Variants in UBR3 observed in about 807,000 individuals in gnomAD.
The protein encoded by UBR3 is ubiquitin protein ligase E3 component n-recognin 3.
UBR3 carries 85 observed loss-of-function variants against 243.2 expected under a neutral mutation model. The observed-to-expected ratio is 0.35, with a 90% confidence interval of 0.29 to 0.42. The LOEUF (loss-of-function observed/expected upper bound fraction) is 0.42. Among genes scored for constraint, UBR3 ranks in the 10% least tolerant of loss-of-function variants. The pLI is 1.00. For missense variants in UBR3, 1,686 were observed against 2,300.8 expected (o/e 0.73, Z 5.47); for synonymous variants, 748 against 799.8 (o/e 0.94, Z 1.09).
chr2:169,964,647 A>G, intron 24 of UBR3: 1 of 370,104 alleles, frequency 2.7e-6, no homozygotes, highest in African/African-American at 2.1e-5. Context: ...AAAGAATGTG[A>G]CCTGAAGTTT....
chr2:169,949,635 G>A lies in UBR3; in HGVS notation c.3115G>A (p.Val1039Ile), dbSNP rs2086928753. The change falls in exon 23 of 39, where the codon GTA (valine) becomes ATA (isoleucine). Residue 1039 changes from valine (V) to isoleucine (I), a missense_variant. Val to Ile is a conservative substitution (Grantham distance 29). This residue lies in a region of UBR3 where 300 missense variants were observed against 314.4 expected (regional missense o/e 0.95). Transcript: ENST00000272793. Reference sequence around the variant, plus strand: ...TGGTACAGCTCAAGTTTTCAGTTTAGTAGCAGAACGTAGAAAGAAATTTCA... The same window carrying A: ...TGGTACAGCTCAAGTTTTCAGTTTAATAGCAGAACGTAGAAAGAAATTTCA... ...NSGTAQVFSL[V>I]AERRKKFQEI... 1 of 1,548,498 alleles carries A rather than the reference G, an allele frequency of 6.5e-7. No individual in the cohort carries two copies.
intron 30 of UBR3, chr2:170,016,881 G>T: frequency 1.2e-6 from 1 of 847,838 alleles, no homozygotes; most frequent in Non-Finnish European, 1.5e-6. Flanking sequence ...ATTATACTGT[G>T]CCAATATAGA....
chr2:170,038,061 C>CT (rs1377995264), intron 31 of UBR3, among the ~76,000 whole-genome samples: 5 of 152,072 alleles, frequency 3.3e-5, no homozygotes, highest in Non-Finnish European at 7.4e-5. Flanking sequence ...CTGTTAAGCA[C>CT]TTTAAGTTTT....
intron 32 of UBR3, among the ~76,000 whole-genome samples, chr2:170,052,648 A>C (rs2091244898): frequency 1.3e-5 from 2 of 152,212 alleles, no homozygotes. Context: ...AACAAGTCAA[A>C]ATAGAGAGTA....
intron 1 of UBR3, among the ~76,000 whole-genome samples, chr2:169,828,687 A>C (rs2081828834): frequency 6.6e-6 from 1 of 152,118 alleles, no homozygotes; most frequent in South Asian, 2.1e-4. Context: ...GTATGCTGGA[A>C]TGACATTTAG....
intron 10 of UBR3, among the ~76,000 whole-genome samples, chr2:169,909,676 A>G (rs537104401): frequency 6.6e-6 from 1 of 152,224 alleles, no homozygotes; most frequent in South Asian, 2.1e-4. Flanking sequence ...AAAATGATAA[A>G]TGTCTGAGGT....
At chr2:170,055,039 C>T (rs1470065048) in intron 32 of UBR3, among the ~76,000 whole-genome samples, 2 of 152,154 alleles carry the variant, frequency 1.3e-5, no homozygotes, top group African/African-American at 4.8e-5. Flanking sequence ...TCTCATGTCT[C>T]TAACCCCAGC....
intron 7 of UBR3, among the ~76,000 whole-genome samples, chr2:169,895,951 A>G (rs1268436373): frequency 6.6e-6 from 1 of 151,142 alleles, no homozygotes; most frequent in Non-Finnish European, 1.5e-5. Flanking sequence ...GTGTCTTTAT[A>G]TCTGCTAAAA....
intron 1 of UBR3, among the ~76,000 whole-genome samples, chr2:169,850,216 T>C (rs1367522076): frequency 7.5e-6 from 1 of 133,172 alleles, no homozygotes; most frequent in African/African-American, 2.7e-5. Flanking sequence ...TCTCACTCTT[T>C]CACCCAGGCT....
chr2:169,930,591 GC>G lies in UBR3; in HGVS notation c.2566+1726del, dbSNP rs551835519. Among the ~76,000 whole-genome samples the G allele has an allele frequency of 9.4e-4, 143 of 152,148 alleles. No homozygotes were observed. The Middle Eastern group carries it at 0.02, about 22-fold the overall frequency. On this transcript the variant is annotated intron_variant, in intron 18 of 38. Transcript: ENST00000272793. The stretch of plus-strand genomic sequence containing the variant: ...TGTAGAGACAGGGCCTTGCTGTGTT[GC>G]CCAGGCTGGTCTCGACTGTTGGGCT...
At chr2:169,938,726 C>G (rs998863183) in intron 19 of UBR3, among the ~76,000 whole-genome samples, 11 of 152,264 alleles carry the variant, frequency 7.2e-5, no homozygotes, top group Middle Eastern at 6.8e-3. Context: ...AAATCAAGGT[C>G]ACAGATACCT....
intron 5 of UBR3, among the ~76,000 whole-genome samples, chr2:169,878,826 C>T (rs1011598031): frequency 6.6e-6 from 1 of 152,080 alleles, no homozygotes; most frequent in African/African-American, 2.4e-5. Context: ...ATTCATTTTT[C>T]TTTTTCACAG....
intron 35 of UBR3, among the ~76,000 whole-genome samples, chr2:170,071,857 G>T (rs1218884210): frequency 1.3e-5 from 2 of 152,126 alleles, no homozygotes; most frequent in Non-Finnish European, 2.9e-5. Context: ...TACTTCCAGA[G>T]AACTCACAGT....
At chr2:169,951,729 G>A (rs997781499) in intron 23 of UBR3, among the ~76,000 whole-genome samples, 3 of 152,046 alleles carry the variant, frequency 2.0e-5, no homozygotes, top group Non-Finnish European at 2.9e-5. Context: ...GGGAGAGCAA[G>A]CTACTTAGTC....
rs548891586 is a variant in UBR3 at position 170,006,387 on chromosome 2, C to G, written c.4030-603C>G. On this transcript the variant is annotated intron_variant, in intron 27 of 38. Transcript: ENST00000272793. The stretch of plus-strand genomic sequence containing the variant: ...AGATATGTTGTTACATTTTTAAGGA[C>G]TTAAAAAGTTAATGTCAAAAAGTGA... Among the ~76,000 whole-genome samples, 17 of 152,188 alleles carry G rather than the reference C, an allele frequency of 1.1e-4. 1 individual carries two copies. The highest frequency in any genetic ancestry group is 3.6e-4 in the African/African-American group (15 of 41,542).
chr2:169,941,498 T>A (rs1357534451), intron 19 of UBR3, among the ~76,000 whole-genome samples: 1 of 152,190 alleles, frequency 6.6e-6, no homozygotes, highest in African/African-American at 2.4e-5. Context: ...TGGTTGACCA[T>A]GGGTAACTGA....
At chr2:169,830,623 T>G (rs2081901822) in intron 1 of UBR3, among the ~76,000 whole-genome samples, 2 of 150,672 alleles carry the variant, frequency 1.3e-5, no homozygotes, top group African/African-American at 4.9e-5. Flanking sequence ...GCATTCTTAC[T>G]GGTTTTTCTT....
rs538003363 is a variant in UBR3, at chr2:169,972,007, A to G, written c.3634+13481A>G. On this transcript the variant is annotated intron_variant, in intron 24 of 38. Coordinates refer to ENST00000272793, the MANE Select transcript of UBR3 (RefSeq NM_172070.4). Reference sequence around the variant, plus strand: ...TTTTTTGAAAGGATCAACAAAATTGATAGACCACTAGCAAGACTAATAAAG... The same window carrying G: ...TTTTTTGAAAGGATCAACAAAATTGGTAGACCACTAGCAAGACTAATAAAG... 7.8e-3 allele frequency among the ~76,000 whole-genome samples: 1,193 copies of G among 152,274 alleles called. 12 individuals are homozygous for G. Among genetic ancestry groups the G allele is most frequent in the African/African-American group, 0.026 (1,067 of 41,546 alleles).
At chr2:169,923,706 G>C (rs1304363223) in intron 11 of UBR3, among the ~76,000 whole-genome samples, 1 of 152,120 alleles carries the variant, frequency 6.6e-6, no homozygotes, top group African/African-American at 2.4e-5. Flanking sequence ...ATTCAAAGTT[G>C]AGTAGAATAC....
Sources: gnomAD v4.1 joint callset for allele counts (sites outside exome capture counted in the v4.1 genomes callset) on GRCh38, gnomAD v4.1.1 for gene constraint, gnomAD v4.1.1 regional missense constraint, MANE v1.5 for transcripts, NCBI Gene and HGNC (gene_info 2026-07-23, HGNC 2026-07-21) for gene names.